Variants in DSG4 observed in about 807,000 individuals in gnomAD.
DSG4 encodes desmoglein 4.
Under a neutral mutation model 93.1 loss-of-function variants are expected in DSG4, and 87 were observed. The observed-to-expected ratio is 0.93, with a 90% CI of 0.79 to 1.12. The LOEUF is 1.12. Among genes scored for constraint, DSG4 ranks in the 50% most tolerant of loss-of-function variants. The probability of loss-of-function intolerance (pLI) is 0.00; values close to 1 mark genes in which losing one functional copy is unlikely to be tolerated. For synonymous variants in DSG4, 432 were observed against 452.9 expected, an observed-to-expected ratio of 0.95 and a Z score of 0.59; for missense variants, 1,373 against 1,285.7, an observed-to-expected ratio of 1.07 and a Z score of -1.04.
At position 31,403,463 on chromosome 18, in the gene DSG4, G is replaced by A; in HGVS notation, c.1465G>A (p.Asp489Asn). 2 of 1,613,800 alleles carry A rather than the reference G, an allele frequency of 1.2e-6. No homozygotes were observed. Among genetic ancestry groups the A allele is most frequent in the East Asian group, 2.2e-5 (1 of 44,856 alleles). ...AGGAACCATATGTATTGAGGTTCCT[G>A]ATATCAATGATTATTGTCCAAACAT... ...ATGTICIEVP[D>N]INDYCPNIFP... The change falls in exon 11 of 16, where the codon GAT (aspartate) becomes AAT (asparagine). Residue 489 changes from aspartate to asparagine, a missense_variant. By Grantham distance (23) the Asp-to-Asn change is conservative (BLOSUM62 1). Transcript: ENST00000308128.
chr18:31,379,495 C>T (rs1171461202), intron 1 of DSG4, among the ~76,000 whole-genome samples: 4 of 152,078 alleles, frequency 2.6e-5, no homozygotes, highest in Non-Finnish European at 5.9e-5. Flanking sequence ...TACGGCAGGA[C>T]AGTTATTAGC....
chr18:31,399,844 C>T (rs922813932), intron 9 of DSG4, among the ~76,000 whole-genome samples: 21 of 152,088 alleles, frequency 1.4e-4, no homozygotes, highest in African/African-American at 5.1e-4. Context: ...TTTGTTCTAC[C>T]CTGGACCGGG....
intron 7 of DSG4, 80 bp downstream of exon 7, chr18:31,391,292 G>C: frequency 6.3e-7 from 1 of 1,586,542 alleles, no homozygotes; most frequent in African/African-American, 1.3e-5. Flanking sequence ...AATCATGCTG[G>C]CTCATGAGCC....
chr18:31,404,889 A>C (rs1399712417), intron 11 of DSG4, among the ~76,000 whole-genome samples: 1 of 152,188 alleles, frequency 6.6e-6, no homozygotes, highest in Non-Finnish European at 1.5e-5. Context: ...GTAAGAAAAA[A>C]TGTTCTGCAT....
intron 3 of DSG4, among the ~76,000 whole-genome samples, chr18:31,387,831 G>T (rs9951411): frequency 1.3e-5 from 2 of 152,048 alleles, no homozygotes; most frequent in South Asian, 4.1e-4. Context: ...AGCAAAATCT[G>T]TGTGGCAGAA....
At chr18:31,406,480 T>C (rs2072429080) in intron 12 of DSG4, 107 bp downstream of exon 12, 1 of 1,359,160 alleles carries the variant, frequency 7.4e-7, no homozygotes, top group African/African-American at 1.4e-5. Flanking sequence ...TTGGTATCTC[T>C]AGCAATTTTT....
intron 7 of DSG4, 121 bp downstream of exon 7, chr18:31,391,333 C>A: frequency 7.2e-7 from 1 of 1,381,794 alleles, no homozygotes; most frequent in South Asian, 1.2e-5. Flanking sequence ...ACATACTCAA[C>A]TTTGTTATAG....
At chr18:31,377,081 A>G in intron 1 of DSG4, 122 bp downstream of exon 1, 1 of 1,095,634 alleles carries the variant, frequency 9.1e-7, no homozygotes, top group Non-Finnish European at 1.4e-6. Flanking sequence ...AGAGAGTTCT[A>G]GAAGTCCAGC....
chr18:31,388,296 T>C lies in DSG4; in HGVS notation c.217-71T>C. 1.9e-6 allele frequency: 3 copies of C among 1,568,478 alleles called. No homozygotes were observed. The South Asian group carries it at 3.4e-5, about 18-fold the overall frequency. On this transcript the variant is annotated intron_variant, in intron 3 of 15. Transcript: ENST00000308128. ...CATTTGGTAAAGAAACCCACTCCCT[T>C]CTTATTCCACTACACTCTTAAGCAT...
rs2072425320 is a variant in DSG4, at chr18:31,406,258, G to A, written c.1818G>A (p.Glu606=). 1 of 1,614,198 alleles carries A rather than the reference G, an allele frequency of 6.2e-7. No homozygotes were observed. Among genetic ancestry groups the A allele is most frequent in the African/African-American group, 1.3e-5 (1 of 75,044 alleles). The change falls in exon 12 of 16, where the codon GAG becomes GAA. Residue 606 remains glutamate (E), a synonymous_variant. Coordinates refer to ENST00000308128, the MANE Select transcript of DSG4 (RefSeq NM_177986.5). ...CTGGTGCCGCGGGCATCTACACAGA[G>A]GACATAACTGGTGACACGTATGGGC... The part of the protein sequence containing the change: ...LDSGAAGIYT[E]DITGDTYGPV...
rs141644428 is a variant in DSG4, at chr18:31,383,299, T to G, written c.49-1837T>G. On this transcript the variant is annotated intron_variant, in intron 1 of 15. Coordinates refer to ENST00000308128, the MANE Select transcript of DSG4 (RefSeq NM_177986.5). ...AAGAAATTTGTGATAAATCACATTGTTTTTATAAAGCCAAATTATAATTTA... is the reference window on the plus strand; with the variant it reads ...AAGAAATTTGTGATAAATCACATTGGTTTTATAAAGCCAAATTATAATTTA... Among the ~76,000 whole-genome samples, 35 of 152,306 alleles carry G rather than the reference T, an allele frequency of 2.3e-4. 1 individual carries two copies. In the South Asian group the frequency reaches 5.6e-3, roughly 24 times the overall value.
Position 31,376,816 on chromosome 18 carries a change from C to G in DSG4, c.-96C>G. 7.1e-7 allele frequency: 1 copy of G among 1,401,732 alleles called. No individual in the cohort carries two copies. Among genetic ancestry groups the G allele is most frequent in the Non-Finnish European group, 1.0e-6 (1 of 991,154 alleles). The allele number at this position is 1,401,732 out of a possible 1,614,324, so 86.8% of individuals were successfully genotyped here. On this transcript the variant is annotated 5_prime_UTR_variant, in exon 1 of 16. Coordinates refer to ENST00000308128, the MANE Select transcript of DSG4 (RefSeq NM_177986.5). ...CCCATGCCCTCCTAAAAGGGTGTCTCAAAGCATATCTTTCTGTAGAGCAGA... is the reference window on the plus strand; with the variant it reads ...CCCATGCCCTCCTAAAAGGGTGTCTGAAAGCATATCTTTCTGTAGAGCAGA...
At chr18:31,388,133 T>G (rs2072208290) in intron 3 of DSG4, among the ~76,000 whole-genome samples, 1 of 152,144 alleles carries the variant, frequency 6.6e-6, no homozygotes. Context: ...GTGTGTATGT[T>G]ATACACATTA....
intron 3 of DSG4, 106 bp from the exon 4 acceptor site, chr18:31,388,261 A>G: frequency 7.5e-7 from 1 of 1,334,768 alleles, no homozygotes; most frequent in Non-Finnish European, 1.0e-6. Flanking sequence ...TCAGGTTTCA[A>G]TCCAAAGCCC....
At position 31,413,604 on chromosome 18, in the gene DSG4, T is replaced by C; in HGVS notation, c.*9T>C. On this transcript the variant is annotated 3_prime_UTR_variant, in exon 16 of 16. Coordinates refer to ENST00000308128, the MANE Select transcript of DSG4 (RefSeq NM_177986.5). Reference sequence around the variant, plus strand: ...ATTACACCCAACAGTAAGTGCTTTATGGTCAGTATTCTATGTGGAGACCTT... The same window carrying C: ...ATTACACCCAACAGTAAGTGCTTTACGGTCAGTATTCTATGTGGAGACCTT... 1 of 1,612,060 alleles carries C rather than the reference T, an allele frequency of 6.2e-7. No homozygotes were observed. Among genetic ancestry groups the C allele is most frequent in the Non-Finnish European group, 8.5e-7 (1 of 1,179,978 alleles).
Position 31,403,422 on chromosome 18 carries a change from C to G in DSG4, c.1424C>G (p.Ser475Cys), listed in dbSNP as rs1163095132. 1 of 1,611,982 alleles carries G rather than the reference C, an allele frequency of 6.2e-7. No individual in the cohort carries two copies. The highest frequency in any genetic ancestry group is 8.5e-7 in the Non-Finnish European group (1 of 1,178,866). The part of the protein sequence containing the change: ...TAEILAIDDG[S>C]GKTATGTICI... ...ATGACCCTTACTCTTTCAGATGGCT[C>G]TGGAAAAACAGCTACAGGAACCATA... is the stretch of plus-strand genomic sequence containing the variant. The change falls in exon 11 of 16, where the codon TCT (serine) becomes TGT (cysteine). Residue 475 changes from serine (S) to cysteine (C), a missense_variant. Transcript: ENST00000308128.
chr18:31,386,894 G>A (rs2072194816), intron 3 of DSG4, 75 bp downstream of exon 3: 1 of 1,597,288 alleles, frequency 6.3e-7, no homozygotes, highest in African/African-American at 1.3e-5. Flanking sequence ...AAGATTTGCA[G>A]GCTTCACTGC....
Position 31,412,878 on chromosome 18 carries a change from C to T in DSG4, c.2406C>T (p.Cys802=), listed in dbSNP as rs371162495. The T allele has an allele frequency of 2.1e-5, 34 of 1,614,094 alleles. No individual in the cohort carries two copies. The highest frequency in any genetic ancestry group is 2.9e-5 in the Non-Finnish European group (34 of 1,180,040). The change falls in exon 16 of 16, where the codon TGC becomes TGT. Residue 802 remains cysteine (C), a synonymous_variant. Coordinates refer to ENST00000308128, the MANE Select transcript of DSG4 (RefSeq NM_177986.5). The part of the protein sequence containing the change: ...DEDEGRPAND[C]LLIYDHEGVG... ...ATGAAGGTCGACCAGCCAATGACTG[C>T]TTGCTCATTTATGACCACGAGGGAG...
At chr18:31,383,848 T>C (rs1053237622) in intron 1 of DSG4, among the ~76,000 whole-genome samples, 1 of 152,168 alleles carries the variant, frequency 6.6e-6, no homozygotes. Context: ...AGAGAGTTAA[T>C]TTCAAGGCAC....
Sources: allele counts gnomAD v4.1 joint callset (sites outside exome capture counted in the v4.1 genomes callset), GRCh38; gene constraint gnomAD v4.1.1; transcripts MANE v1.5; gene names NCBI Gene and HGNC (gene_info 2026-07-23, HGNC 2026-07-21).